The following SLC6A19 variants were observed in gnomAD, a reference collection of about 807,000 sequenced individuals.
SLC6A19 encodes the protein sodium-dependent neutral amino acid transporter B(0)AT1.
A neutral mutation model predicts 68.3 loss-of-function variants in SLC6A19; 67 were observed. That is an observed-to-expected ratio of 0.98 (90% CI 0.81 to 1.20). The LOEUF (loss-of-function observed/expected upper bound fraction) is 1.20, where lower values mean the gene tolerates loss of function less well. Ranked by LOEUF, SLC6A19 falls within the 50% of genes most tolerant of loss-of-function variation. SLC6A19 has a pLI of 0.00. For missense variants in SLC6A19, 813 were observed against 851.6 expected (o/e 0.95, Z 0.56); for synonymous variants, 392 against 374.9 (o/e 1.05, Z -0.53).
chr5:1,219,405 C>T, intron 9 of SLC6A19, 100 bp from the exon 10 acceptor site: 11 of 1,529,158 alleles, frequency 7.2e-6, no homozygotes, highest in Non-Finnish European at 9.7e-6. Flanking sequence ...ACAGCTCTGT[C>T]CCTGGCCATA....
rs1208861053 is a variant in SLC6A19, at chr5:1,221,192, A to G, written c.1580A>G (p.Asn527Ser). 19 of 1,614,122 alleles carry G rather than the reference A, an allele frequency of 1.2e-5. No individual in the cohort carries two copies. The highest frequency in any genetic ancestry group is 1.6e-5 in the Non-Finnish European group (19 of 1,180,006). ...GAGTTCATGATCGGCCACAAGCCCA[A>G]CATCTTCTGGCAAGTCACGTGGCGC... ...DIEFMIGHKP[N>S]IFWQVTWRVV... The change falls in exon 11 of 12, where the codon AAC (asparagine) becomes AGC (serine). Residue 527 changes from asparagine (N) to serine (S), a missense_variant. By Grantham distance (46) the Asn-to-Ser change is conservative. Coordinates refer to ENST00000304460, the MANE Select transcript of SLC6A19 (RefSeq NM_001003841.3).
In SLC6A19 at chr5:1,221,871, C is replaced by A. The variant is rs1561170495; in HGVS notation, c.1872C>A (p.Ser624=). 6 of 1,614,166 alleles carry A rather than the reference C, an allele frequency of 3.7e-6. No individual in the cohort carries two copies. In the South Asian group the frequency reaches 6.6e-5, roughly 18 times the overall value. Residue 624 remains serine (S), a synonymous_variant, in exon 12 of 12, where the codon TCC becomes TCA. Transcript: ENST00000304460. ...GDHQGLVSTL[S]TASMNGDLKY The stretch of plus-strand genomic sequence containing the variant: ...ATCAGGGGCTGGTGAGCACACTGTC[C>A]ACAGCCTCCATGAACGGGGACCTGA...
At chr5:1,213,686 G>C (rs888676678) in intron 5 of SLC6A19, 113 bp downstream of exon 5, 37 of 1,176,420 alleles carry the variant, frequency 3.1e-5, no homozygotes, top group Non-Finnish European at 4.3e-5. Context: ...CCTGCTGCTC[G>C]ACCAGTCCCA....
At chr5:1,211,254 C>T (rs913348604) in intron 3 of SLC6A19, among the ~76,000 whole-genome samples, 10 of 152,238 alleles carry the variant, frequency 6.6e-5, no homozygotes, top group African/African-American at 2.2e-4. Flanking sequence ...ACCCTCACTG[C>T]TCGCTGGGAC....
chr5:1,211,919 G>A (rs995431262), intron 3 of SLC6A19, among the ~76,000 whole-genome samples: 2 of 148,592 alleles, frequency 1.3e-5, no homozygotes, highest in African/African-American at 5.2e-5. Flanking sequence ...ACATGCATGT[G>A]TGTGCATGTG....
At chr5:1,202,420 G>T (rs980094562) in intron 1 of SLC6A19, among the ~76,000 whole-genome samples, 1 of 152,172 alleles carries the variant, frequency 6.6e-6, no homozygotes, top group Non-Finnish European at 1.5e-5. Flanking sequence ...ACTGCTCCTC[G>T]TTCCTCTGGC....
At position 1,214,667 on chromosome 5, in the gene SLC6A19, G is replaced by A. The variant is rs149690664; in HGVS notation, c.887+602G>A. On this transcript the variant is annotated intron_variant, in intron 6 of 11. Coordinates refer to ENST00000304460, the MANE Select transcript of SLC6A19 (RefSeq NM_001003841.3). This position sits in a 1 kb window ranked among gnomAD's most constrained non-coding sequence, Gnocchi z 7.4. ...TGTGGCTCTGCAGGTTGACAAGCAA[G>A]TGCAGAAGTTGTCCTCTGTGTGGTG... 1.9e-3 allele frequency among the ~76,000 whole-genome samples: 293 copies of A among 152,304 alleles called. 1 individual carries two copies. The highest frequency in any genetic ancestry group is 6.8e-3 in the African/African-American group (281 of 41,574).
In SLC6A19 at chr5:1,202,234, C is replaced by T. The variant is rs948710822; in HGVS notation, c.202+382C>T. ...CTGGGCATCACCTCTCGTCCCAGCCCCACAGGCGGACACCTGCCAGTGCAG... is the reference window on the plus strand; with the variant it reads ...CTGGGCATCACCTCTCGTCCCAGCCTCACAGGCGGACACCTGCCAGTGCAG... On this transcript the variant is annotated intron_variant, in intron 1 of 11. Transcript: ENST00000304460. 2.0e-5 allele frequency among the ~76,000 whole-genome samples: 3 copies of T among 152,318 alleles called. No homozygotes were observed. The Middle Eastern group carries it at 0.01, about 518-fold the overall frequency.
rs147547251 is a variant in SLC6A19, at chr5:1,216,533, G to A, written c.888-25G>A. On this transcript the variant is annotated intron_variant, in intron 6 of 11. Coordinates refer to ENST00000304460, the MANE Select transcript of SLC6A19 (RefSeq NM_001003841.3). ...CTGACCTGGGACCTCATCGCCAGCC[G>A]CCATGACACTGGTCTCGTCTGCAGC... 4.5e-4 allele frequency: 719 copies of A among 1,613,812 alleles called. 7 individuals carry two copies. In the African/African-American group the frequency reaches 8.2e-3, roughly 18 times the overall value.
chr5:1,217,070 C>A, intron 8 of SLC6A19, 125 bp downstream of exon 8: 1 of 1,446,288 alleles, frequency 6.9e-7, no homozygotes. Context: ...GGAGGCCCAG[C>A]TCCCACTGTC....
intron 5 of SLC6A19, 83 bp downstream of exon 5, chr5:1,213,656 T>C: frequency 7.4e-7 from 1 of 1,344,110 alleles, no homozygotes; most frequent in South Asian, 1.2e-5. Context: ...ATACCAGCTC[T>C]CACCCACGGG....
rs773280349 is a variant in SLC6A19 at position 1,212,390 on chromosome 5, C to T, written c.569C>T (p.Ser190Leu). The T allele has an allele frequency of 1.5e-5, 25 of 1,613,324 alleles. No individual in the cohort carries two copies. Among genetic ancestry groups the T allele is most frequent in the Admixed American group, 3.3e-5 (2 of 60,014 alleles). Residue 190 changes from serine (S) to leucine (L), a missense_variant, in exon 4 of 12, where the codon TCG becomes TTG. Coordinates refer to ENST00000304460, the MANE Select transcript of SLC6A19 (RefSeq NM_001003841.3). The surrounding 1 kb of genome is among the most constrained non-coding windows in gnomAD (Gnocchi z 5.1). Reference sequence around the variant, plus strand: ...AACATCTCCACGTCCATCAGCGACTCGGGCTCCATCCAGTGGTGGATGCTG... The same window carrying T: ...AACATCTCCACGTCCATCAGCGACTTGGGCTCCATCCAGTGGTGGATGCTG... ...TLNISTSISD[S>L]GSIQWWMLLC... is the part of the protein sequence containing the mutation.
rs1040986769 is a variant in SLC6A19, at chr5:1,224,186, A to G, written c.*2282A>G. 1 of 152,252 alleles carries G rather than the reference A, an allele frequency of 6.6e-6. No homozygotes were observed. The allele number at this position is 152,252 out of a possible 1,614,324, so 9.4% of individuals were successfully genotyped here. A position where few individuals can be genotyped will look rare whatever the true frequency, so the allele number is the denominator to read the frequency against. On this transcript the variant is annotated 3_prime_UTR_variant, in exon 12 of 12. Coordinates refer to ENST00000304460, the MANE Select transcript of SLC6A19 (RefSeq NM_001003841.3). ...TGTACCCTGGCATGCACAGGTGTGC[A>G]CTGATGTGCCCTGGCATCCATTGGT... is the stretch of plus-strand genomic sequence containing the variant.
intron 6 of SLC6A19, among the ~76,000 whole-genome samples, chr5:1,216,068 C>T (rs1481883595): frequency 6.6e-6 from 1 of 152,108 alleles, no homozygotes; most frequent in African/African-American, 2.4e-5. Context: ...TGGGTTGGGT[C>T]AGGGAGGTCA....
chr5:1,212,856 A>T lies in SLC6A19; in HGVS notation c.663+372A>T, dbSNP rs1199525536. ...GAAGAGTAAGGCTTGATCTTCCCCT[A>T]CATGGGAATCTTTGGTACGAGGTCC... On this transcript the variant is annotated intron_variant, in intron 4 of 11. Transcript: ENST00000304460. The surrounding 1 kb of genome is among the most constrained non-coding windows in gnomAD (Gnocchi z 5.1). 6.6e-6 allele frequency among the ~76,000 whole-genome samples: 1 copy of T among 152,096 alleles called. No homozygotes were observed. The highest frequency in any genetic ancestry group is 6.5e-5 in the Admixed American group (1 of 15,282).
chr5:1,221,056 G>C (rs1434635259), intron 10 of SLC6A19, 95 bp from the exon 11 acceptor site: 1 of 1,507,652 alleles, frequency 6.6e-7, no homozygotes, highest in African/African-American at 1.4e-5. Flanking sequence ...GCACCTCGCA[G>C]CACACCATCT....
At chr5:1,210,709 C>G in intron 3 of SLC6A19, 128 bp downstream of exon 3, 1 of 1,336,876 alleles carries the variant, frequency 7.5e-7, no homozygotes, top group Middle Eastern at 2.2e-4. Flanking sequence ...AACAGGGTGT[C>G]AAAAAATGAC....
chr5:1,220,972 C>G (rs1041827250), intron 10 of SLC6A19, among the ~76,000 whole-genome samples, 179 bp from the exon 11 acceptor site: 1 of 152,248 alleles, frequency 6.6e-6, no homozygotes, highest in South Asian at 2.1e-4. Flanking sequence ...GCTGGCCGTG[C>G]CCACAGAGGG....
In SLC6A19 at chr5:1,214,757, C is replaced by T. The variant is rs752309323; in HGVS notation, c.887+692C>T. Among the ~76,000 whole-genome samples, 5 of 151,140 alleles carry T rather than the reference C, an allele frequency of 3.3e-5. No individual in the cohort carries two copies. The highest frequency in any genetic ancestry group is 4.9e-5 in the African/African-American group (2 of 41,052). On this transcript the variant is annotated intron_variant, in intron 6 of 11. Transcript: ENST00000304460. The surrounding 1 kb of genome is among the most constrained non-coding windows in gnomAD (Gnocchi z 7.4). ...GACTCCTAGGGGTCAGGGTGGCCCT[C>T]CAGGCTGTGAAGGTGCGATTGGAGT...
Sources: allele counts gnomAD v4.1 joint callset (sites outside exome capture counted in the v4.1 genomes callset), GRCh38; gene constraint gnomAD v4.1.1; non-coding constraint Gnocchi (gnomAD v3.1); transcripts MANE v1.5; gene names NCBI Gene and HGNC (gene_info 2026-07-23, HGNC 2026-07-21).